EVC: variants seen among roughly 807,000 people sequenced by gnomAD.
EVC encodes the protein evC complex member EVC.
EVC carries 116 observed loss-of-function variants against 118.9 expected under a neutral mutation model. That is an observed-to-expected ratio of 0.98 (90% CI 0.84 to 1.14). The LOEUF is 1.14. Ranked by LOEUF, EVC falls within the 50% of genes most tolerant of loss-of-function variation. The probability of loss-of-function intolerance (pLI) is 0.00; values close to 1 mark genes in which losing one functional copy is unlikely to be tolerated. For missense variants in EVC, 1,401 were observed against 1,246.4 expected, an observed-to-expected ratio of 1.12 and a Z score of -1.87; for synonymous variants, 619 against 534.7, an observed-to-expected ratio of 1.16 and a Z score of -2.18.
chr4:5,761,796 C>T (rs1419620645), intron 11 of EVC, among the ~76,000 whole-genome samples: 1 of 151,780 alleles, frequency 6.6e-6, no homozygotes, highest in Non-Finnish European at 1.5e-5. Context: ...GAGTTGTGTT[C>T]CACCTCTCAT....
Position 5,737,027 on chromosome 4 carries a change from A to G in EVC, c.702+3592A>G, listed in dbSNP as rs1727798980. Among the ~76,000 whole-genome samples the G allele has an allele frequency of 6.6e-6, 1 of 152,232 alleles. No individual in the cohort carries two copies. Among genetic ancestry groups the G allele is most frequent in the South Asian group, 2.1e-4 (1 of 4,824 alleles). On this transcript the variant is annotated intron_variant, in intron 5 of 20. Coordinates refer to ENST00000264956, the MANE Select transcript of EVC (RefSeq NM_153717.3). This position sits in a 1 kb window ranked among gnomAD's most constrained non-coding sequence, Gnocchi z 5.0. ...ACCACACAGCCAAGTTGTGAATGCA[A>G]AGAAAAAGTTCTTGAAGGAAATTAA...
intron 15 of EVC, 67 bp from the exon 16 acceptor site, chr4:5,801,883 G>A (rs1270640245): frequency 1.9e-6 from 3 of 1,570,078 alleles, no homozygotes; most frequent in Middle Eastern, 2.2e-4. Flanking sequence ...GGCAGGGACT[G>A]GATGGGCCGT....
At chr4:5,758,293 A>T in intron 11 of EVC, 1 of 565,778 alleles carries the variant, frequency 1.8e-6, no homozygotes, top group Non-Finnish European at 3.1e-6. Flanking sequence ...GAGAGAATAA[A>T]CTTCGTTGTC....
Position 5,740,714 on chromosome 4 carries a change from C to A in EVC, c.703-1002C>A, listed in dbSNP as rs551957852. ...GTCCACCAAAGGACTAGTACCTAGA[C>A]CAGATAAGGAAATTTCCAAACTCAG... is the stretch of plus-strand genomic sequence containing the variant. On this transcript the variant is annotated intron_variant, in intron 5 of 20. Transcript: ENST00000264956. Among the ~76,000 whole-genome samples, 8 of 152,078 alleles carry A rather than the reference C, an allele frequency of 5.3e-5. No homozygotes were observed. In the East Asian group the frequency reaches 1.6e-3, roughly 29 times the overall value.
At chr4:5,715,274 G>C (rs1723755237) in intron 1 of EVC, among the ~76,000 whole-genome samples, 1 of 152,180 alleles carries the variant, frequency 6.6e-6, no homozygotes, top group Non-Finnish European at 1.5e-5. Flanking sequence ...ACAAGCTCTA[G>C]TTTGAGCTGG....
chr4:5,739,242 T>G (rs1728156128), intron 5 of EVC, among the ~76,000 whole-genome samples: 1 of 152,230 alleles, frequency 6.6e-6, no homozygotes, highest in Admixed American at 6.5e-5. Flanking sequence ...GACTCGAAAC[T>G]AACATCTTGC....
At chr4:5,818,372 C>T (rs759630919), downstream of EVC, among the ~76,000 whole-genome samples, 20 of 152,180 alleles carry the variant, frequency 1.3e-4, no homozygotes, top group Non-Finnish European at 1.8e-4. Flanking sequence ...ACCACCCCTT[C>T]CTGGGACATC....
intron 13 of EVC, 46 bp downstream of exon 13, chr4:5,793,763 T>C: frequency 1.4e-6 from 2 of 1,428,196 alleles, no homozygotes; most frequent in Non-Finnish European, 1.9e-6. Context: ...TCCTGCATGA[T>C]GCTCCCTCCA....
chr4:5,800,830 A>G (rs1714833315), intron 15 of EVC, among the ~76,000 whole-genome samples: 1 of 137,728 alleles, frequency 7.3e-6, no homozygotes, highest in African/African-American at 2.7e-5. Context: ...CGGGCTGTAC[A>G]GGCTAGTCAC....
At chr4:5,800,333 A>G (rs1046602561) in intron 15 of EVC, among the ~76,000 whole-genome samples, 2 of 152,242 alleles carry the variant, frequency 1.3e-5, no homozygotes, top group Admixed American at 6.5e-5. Flanking sequence ...TGACATAGCT[A>G]GACTCTGTCT....
downstream of EVC, among the ~76,000 whole-genome samples, chr4:5,815,794 C>T (rs1187770870): frequency 1.3e-5 from 2 of 152,170 alleles, no homozygotes; most frequent in Non-Finnish European, 2.9e-5. Context: ...CTGACGTCCC[C>T]CCTGGAATGT....
At chr4:5,722,323 T>G (rs1283601045) in intron 2 of EVC, among the ~76,000 whole-genome samples, 1 of 152,236 alleles carries the variant, frequency 6.6e-6, no homozygotes, top group African/African-American at 2.4e-5. Context: ...TTGTTCACTA[T>G]TCAGCTACAC....
rs1727983904 is a variant in EVC, at chr4:5,738,183, TG to T, written c.703-3530del. On this transcript the variant is annotated intron_variant, in intron 5 of 20. Transcript: ENST00000264956. The surrounding 1 kb of genome is among the most constrained non-coding windows in gnomAD (Gnocchi z 6.5). ...TAGGATTAGAATTGGAGCCTGAAGA[TG>T]GGACTGAGCTGCTGCAATCTCATGA... 6.6e-6 allele frequency among the ~76,000 whole-genome samples: 1 copy of T among 152,178 alleles called. No individual in the cohort carries two copies. Among genetic ancestry groups the T allele is most frequent in the Admixed American group, 6.5e-5 (1 of 15,278 alleles).
chr4:5,776,869 G>C (rs1189716133), intron 11 of EVC, among the ~76,000 whole-genome samples: 1 of 152,112 alleles, frequency 6.6e-6, no homozygotes, highest in African/African-American at 2.4e-5. Flanking sequence ...TTTAAACTAA[G>C]TAGTGTTACT....
chr4:5,822,713 G>A, the EVC span, among the ~76,000 whole-genome samples: 2 of 152,274 alleles, frequency 1.3e-5, no homozygotes, highest in East Asian at 1.9e-4. Flanking sequence ...AAGTTGAGCC[G>A]GCGGAACTGA....
chr4:5,825,776 G>T, the EVC span: 1 of 903,552 alleles, frequency 1.1e-6, no homozygotes, highest in Non-Finnish European at 1.7e-6. This position sits in a 1 kb window ranked among gnomAD's most constrained non-coding sequence, Gnocchi z 4.4. Context: ...AAATGTGCAT[G>T]CACACACACA....
chr4:5,789,446 C>T lies in EVC; in HGVS notation c.1777-4162C>T, dbSNP rs1359022479. On this transcript the variant is annotated intron_variant, in intron 12 of 20. Coordinates refer to ENST00000264956, the MANE Select transcript of EVC (RefSeq NM_153717.3). The surrounding 1 kb of genome is among the most constrained non-coding windows in gnomAD (Gnocchi z 4.3). Reference sequence around the variant, plus strand: ...GACCATGCTGTTTAAAACTGCAATGCCCCCCTCACCCCCAGCACTCCAGTG... The same window carrying T: ...GACCATGCTGTTTAAAACTGCAATGTCCCCCTCACCCCCAGCACTCCAGTG... Among the ~76,000 whole-genome samples, 2 of 152,136 alleles carry T rather than the reference C, an allele frequency of 1.3e-5. No homozygotes were observed. Among genetic ancestry groups the T allele is most frequent in the African/African-American group, 4.8e-5 (2 of 41,442 alleles).
chr4:5,779,204 C>T (rs1735212829), intron 11 of EVC, among the ~76,000 whole-genome samples: 2 of 151,904 alleles, frequency 1.3e-5, no homozygotes, highest in South Asian at 4.2e-4. Context: ...ATCTATATCT[C>T]TGTTTTGGTA....
At chr4:5,800,562 G>C (rs1212189437) in intron 15 of EVC, among the ~76,000 whole-genome samples, 1 of 152,140 alleles carries the variant, frequency 6.6e-6, no homozygotes, top group Non-Finnish European at 1.5e-5. Flanking sequence ...TGGGTGCAGA[G>C]TGGGGTGTCC....
Sources: allele counts gnomAD v4.1 joint callset (sites outside exome capture counted in the v4.1 genomes callset), GRCh38; gene constraint gnomAD v4.1.1; non-coding constraint Gnocchi (gnomAD v3.1); transcripts MANE v1.5; gene names NCBI Gene and HGNC (gene_info 2026-07-23, HGNC 2026-07-21).